IQGAP1: variants seen among roughly 807,000 people sequenced by gnomAD.
IQGAP1 encodes the protein ras GTPase-activating-like protein IQGAP1.
Under a neutral mutation model 215.6 loss-of-function variants are expected in IQGAP1, and 66 were observed. The observed-to-expected ratio is 0.31, with a 90% confidence interval of 0.25 to 0.38. IQGAP1 has a LOEUF of 0.38. IQGAP1 is among the 10% of genes least tolerant of loss of function. IQGAP1 has a pLI of 1.00. For synonymous variants in IQGAP1, 772 were observed against 728.7 expected (o/e 1.06, Z -0.96); for missense variants, 1,712 against 1,997.1 (o/e 0.86, Z 2.72).
intron 15 of IQGAP1, among the ~76,000 whole-genome samples, chr15:90,464,767 G>T (rs561731290): frequency 1.3e-5 from 2 of 152,012 alleles, no homozygotes; most frequent in African/African-American, 4.8e-5. Context: ...CAGGAGAATG[G>T]CGTGAACCTG....
chr15:90,421,837 T>G (rs1965141438), intron 2 of IQGAP1, among the ~76,000 whole-genome samples: 1 of 152,208 alleles, frequency 6.6e-6, no homozygotes, highest in Admixed American at 6.5e-5. Context: ...ATTTTTGTAT[T>G]TTTTGTAGAG....
intron 15 of IQGAP1, among the ~76,000 whole-genome samples, chr15:90,459,223 T>C (rs1965728651): frequency 6.6e-6 from 1 of 152,218 alleles, no homozygotes; most frequent in Non-Finnish European, 1.5e-5. Flanking sequence ...AATTATGCTT[T>C]AATCAACAAT....
intron 1 of IQGAP1, 132 bp from the exon 2 acceptor site, chr15:90,390,642 C>G: frequency 1.7e-6 from 1 of 594,090 alleles, no homozygotes; most frequent in Non-Finnish European, 3.1e-6. Context: ...TTGTAGTACA[C>G]CTGGCTGGCT....
intron 8 of IQGAP1, among the ~76,000 whole-genome samples, chr15:90,443,069 C>T (rs62020727): frequency 0.16 from 24,253 of 152,078 alleles, 2,293 homozygotes; most frequent in African/African-American, 0.26. Context: ...AGCAATCTTA[C>T]TGTCACAGCC....
intron 17 of IQGAP1, 84 bp downstream of exon 17, chr15:90,466,520 A>C: frequency 7.6e-7 from 1 of 1,317,284 alleles, no homozygotes; most frequent in South Asian, 1.2e-5. Context: ...GGGATAAGCT[A>C]TAGGGAAAGA....
rs568051768 is a variant in IQGAP1 at position 90,484,446 on chromosome 15, C to A, written c.3921+94C>A. On this transcript the variant is annotated intron_variant, in intron 30 of 37. Coordinates refer to ENST00000268182, the MANE Select transcript of IQGAP1 (RefSeq NM_003870.4). ...CTCTGGTAGCCAGGTGTCTAACCTT[C>A]CTGTAATCTAACTGACAATGCATCT... 6 of 925,558 alleles carry A rather than the reference C, an allele frequency of 6.5e-6. No individual in the cohort carries two copies. The South Asian group carries it at 9.9e-5, about 15-fold the overall frequency. The allele number at this position is 925,558 out of a possible 1,614,324, so 57.3% of individuals were successfully genotyped here. A position where few individuals can be genotyped will look rare whatever the true frequency, so the allele number is the denominator to read the frequency against.
In IQGAP1 at chr15:90,466,823, G is replaced by A. The variant is rs1371616394; in HGVS notation, c.2035+387G>A. 4.6e-5 allele frequency among the ~76,000 whole-genome samples: 7 copies of A among 152,228 alleles called. No homozygotes were observed. In the East Asian group the frequency reaches 1.3e-3, roughly 29 times the overall value. On this transcript the variant is annotated intron_variant, in intron 17 of 37. Coordinates refer to ENST00000268182, the MANE Select transcript of IQGAP1 (RefSeq NM_003870.4). ...ATTAAAAAACTGGGCCGGGTGCGGT[G>A]GCACACGCCTGTAATCCCAGCACTT... is the stretch of plus-strand genomic sequence containing the variant.
chr15:90,409,083 A>G lies in IQGAP1; in HGVS notation c.156-17027A>G, dbSNP rs12438841. 8.7e-3 allele frequency among the ~76,000 whole-genome samples: 1,321 copies of G among 151,672 alleles called. 40 individuals are homozygous for G. The East Asian group carries it at 0.11, about 12-fold the overall frequency. On this transcript the variant is annotated intron_variant, in intron 2 of 37. Transcript: ENST00000268182. ...CTTCTAGGGTTCTTATTCCAATATT[A>G]TTTTCCCAACTATAACTTGCACTTT...
chr15:90,481,450 G>A (rs1966058299), intron 26 of IQGAP1, among the ~76,000 whole-genome samples: 1 of 151,838 alleles, frequency 6.6e-6, no homozygotes, highest in African/African-American at 2.4e-5. Context: ...CATATACGGG[G>A]TCTGTCATGG....
At chr15:90,496,954 C>G (rs1021282574) in intron 36 of IQGAP1, 1 of 252,960 alleles carries the variant, frequency 4.0e-6, no homozygotes, top group Non-Finnish European at 7.5e-6. Flanking sequence ...GATGTCATCC[C>G]TTCACACGCC....
chr15:90,410,620 G>A (rs556023133), intron 2 of IQGAP1, among the ~76,000 whole-genome samples: 1 of 151,766 alleles, frequency 6.6e-6, no homozygotes, highest in South Asian at 2.1e-4. Context: ...CTCACTCATA[G>A]GTGGGAATTG....
chr15:90,390,987 A>C (rs1419588900), intron 2 of IQGAP1, 114 bp downstream of exon 2: 1 of 695,644 alleles, frequency 1.4e-6, no homozygotes, highest in Non-Finnish European at 2.6e-6. Flanking sequence ...TAATCCCAAC[A>C]CGTTGGGAGG....
Position 90,452,868 on chromosome 15 carries a change from C to G in IQGAP1, c.1256C>G (p.Pro419Arg), listed in dbSNP as rs1398823175. 6.2e-7 allele frequency: 1 copy of G among 1,614,064 alleles called. No individual in the cohort carries two copies. Among genetic ancestry groups the G allele is most frequent in the South Asian group, 1.1e-5 (1 of 91,076 alleles). ...LELMNPEAQLPQVYPFAADLY... is the reference protein window; with the variant it reads ...LELMNPEAQLRQVYPFAADLY... ...CTGATGAATCCCGAAGCCCAGCTGC[C>G]CCAGGTGTATCCATTTGCCGCCGAT... The change falls in exon 12 of 38, where the codon CCC becomes CGC. Residue 419 changes from proline (P) to arginine (R), a missense_variant. Coordinates refer to ENST00000268182, the MANE Select transcript of IQGAP1 (RefSeq NM_003870.4).
chr15:90,497,457 A>G (rs1290663032), intron 37 of IQGAP1, 117 bp downstream of exon 37: 2 of 626,112 alleles, frequency 3.2e-6, no homozygotes, highest in African/African-American at 3.7e-5. Context: ...GCAGTGAGCT[A>G]GGCTCCACAC....
chr15:90,439,275 A>G (rs1965415131), intron 5 of IQGAP1, 57 bp from the exon 6 acceptor site: 2 of 1,389,410 alleles, frequency 1.4e-6, no homozygotes, highest in Non-Finnish European at 2.0e-6. Flanking sequence ...TCGCCTTTTA[A>G]GGGTGGCAGC....
chr15:90,454,519 C>T lies in IQGAP1; in HGVS notation c.1579C>T (p.His527Tyr). 1.2e-6 allele frequency: 2 copies of T among 1,600,712 alleles called. No individual in the cohort carries two copies. The highest frequency in any genetic ancestry group is 1.1e-5 in the South Asian group (1 of 89,122). Residue 527 changes from histidine to tyrosine, a missense_variant, in exon 14 of 38, where the codon CAT becomes TAT. By Grantham distance (83) the His-to-Tyr change is moderately conservative. Around this residue, in one of 2 missense-constraint regions of IQGAP1, gnomAD observed 1,021 missense variants for 1,074.2 expected, o/e 0.95. Coordinates refer to ENST00000268182, the MANE Select transcript of IQGAP1 (RefSeq NM_003870.4). ...TWNDIQACVD[H>Y]VNLVVQEEHE... Reference sequence around the variant, plus strand: ...GAATGATATCCAAGCTTGCGTGGACCATGTGAACCTGGTGGTGCAAGAGGA... The same window carrying T: ...GAATGATATCCAAGCTTGCGTGGACTATGTGAACCTGGTGGTGCAAGAGGA...
chr15:90,473,460 T>G, intron 19 of IQGAP1: 1 of 466,450 alleles, frequency 2.1e-6, no homozygotes. Flanking sequence ...AAGAAGCCAG[T>G]AAATGAATCT....
chr15:90,390,746 T>C (rs1223063606), intron 1 of IQGAP1, 28 bp from the exon 2 acceptor site: 1 of 1,423,970 alleles, frequency 7.0e-7, no homozygotes, highest in Non-Finnish European at 9.9e-7. Context: ...CAGATCCTGG[T>C]GTTTACATTC....
At chr15:90,417,719 C>G (rs1369573570) in intron 2 of IQGAP1, among the ~76,000 whole-genome samples, 3 of 152,118 alleles carry the variant, frequency 2.0e-5, no homozygotes, top group Non-Finnish European at 2.9e-5. Flanking sequence ...TCCATATGAA[C>G]TTTAAAGTAG....
Sources: gnomAD v4.1 joint callset for allele counts (sites outside exome capture counted in the v4.1 genomes callset) on GRCh38, gnomAD v4.1.1 for gene constraint, gnomAD v4.1.1 regional missense constraint, MANE v1.5 for transcripts, NCBI Gene and HGNC (gene_info 2026-07-23, HGNC 2026-07-21) for gene names.